PPP2R3C: variants seen among roughly 807,000 people sequenced by gnomAD.
The protein encoded by PPP2R3C is serine/threonine-protein phosphatase 2A regulatory subunit B'' subunit gamma.
In PPP2R3C, 47 loss-of-function variants were observed where a neutral mutation model predicts 63.7. That is an observed-to-expected ratio of 0.74 (90% CI 0.58 to 0.94). PPP2R3C has a LOEUF of 0.94. PPP2R3C is among the 40% of genes least tolerant of loss of function. The pLI is 0.00. For missense variants in PPP2R3C, 421 were observed against 518.4 expected (o/e 0.81, Z 1.82); for synonymous variants, 180 against 177.4 (o/e 1.01, Z -0.12).
rs537585356 is a variant in PPP2R3C, at chr14:35,120,274, C to T, written c.58+1628G>A. Among the ~76,000 whole-genome samples the T allele has an allele frequency of 1.3e-4, 19 of 151,354 alleles. No individual in the cohort carries two copies. In the South Asian group the frequency reaches 2.7e-3, roughly 22 times the overall value. ...CTCCTTTTTTTTTGAGACTGAGTGT[C>T]GCTCGGTCGCCCAGGCCGGAGTGCA... is the stretch of plus-strand genomic sequence containing the variant. On this transcript the variant is annotated intron_variant, in intron 1 of 12. Coordinates refer to ENST00000261475, the MANE Select transcript of PPP2R3C (RefSeq NM_017917.4).
chr14:35,111,840 T>C (rs908452581), intron 2 of PPP2R3C, among the ~76,000 whole-genome samples: 1 of 152,116 alleles, frequency 6.6e-6, no homozygotes, highest in African/African-American at 2.4e-5. Context: ...GCAGTACCCA[T>C]TCCCTAGCCC....
intron 11 of PPP2R3C, among the ~76,000 whole-genome samples, chr14:35,090,250 T>C (rs1181352908): frequency 6.7e-6 from 1 of 149,278 alleles, no homozygotes; most frequent in Non-Finnish European, 1.5e-5. Context: ...TTTTTTTTTT[T>C]TTTTTTTTTG....
At chr14:35,118,460 CT>C (rs2046769220) in intron 1 of PPP2R3C, among the ~76,000 whole-genome samples, 1 of 152,106 alleles carries the variant, frequency 6.6e-6, no homozygotes. Flanking sequence ...ATATAATTTA[CT>C]TATTATTTTA....
intron 9 of PPP2R3C, among the ~76,000 whole-genome samples, chr14:35,095,698 AC>A (rs1431885573): frequency 1.3e-5 from 2 of 151,358 alleles, no homozygotes; most frequent in African/African-American, 2.4e-5. Flanking sequence ...AAAAAAAAAA[AC>A]ATTAGCCGGG....
intron 1 of PPP2R3C, among the ~76,000 whole-genome samples, chr14:35,118,671 T>TTC (rs1566429903): frequency 5.9e-5 from 3 of 51,254 alleles, no homozygotes; most frequent in African/African-American, 1.8e-4. Context: ...TTTTTTTTTT[T>TTC]CCGAGACTGA....
At chr14:35,105,130 C>A (rs988529561) in intron 6 of PPP2R3C, among the ~76,000 whole-genome samples, 6 of 150,986 alleles carry the variant, frequency 4.0e-5, no homozygotes, top group Non-Finnish European at 8.8e-5. Context: ...AATAATCAAA[C>A]GTTTTTCAGT....
chr14:35,109,291 G>A (rs904898733), intron 4 of PPP2R3C, among the ~76,000 whole-genome samples: 2 of 152,052 alleles, frequency 1.3e-5, no homozygotes, highest in Admixed American at 1.3e-4. Context: ...TCTTGACCTC[G>A]TGATCCGCTC....
chr14:35,107,482 A>T, intron 5 of PPP2R3C, 108 bp from the exon 6 acceptor site: 2 of 853,570 alleles, frequency 2.3e-6, no homozygotes, highest in Non-Finnish European at 3.8e-6. Context: ...AACTCTAAAA[A>T]CATTTCTTCT....
chr14:35,120,847 G>A (rs1265698157), intron 1 of PPP2R3C, among the ~76,000 whole-genome samples: 1 of 152,116 alleles, frequency 6.6e-6, no homozygotes, highest in Admixed American at 6.6e-5. Context: ...TCAAGAGGCT[G>A]GGGTGGGAAG....
intron 10 of PPP2R3C, among the ~76,000 whole-genome samples, chr14:35,094,542 C>CAA (rs57490113): frequency 0.18 from 27,170 of 150,420 alleles, 2,591 homozygotes; most frequent in Middle Eastern, 0.27. Context: ...ATGAAATGAA[C>CAA]AATAAGCTTT....
chr14:35,108,935 T>A (rs546021325), intron 4 of PPP2R3C, among the ~76,000 whole-genome samples: 17 of 152,256 alleles, frequency 1.1e-4, no homozygotes, highest in Non-Finnish European at 2.4e-4. Flanking sequence ...TGCATTCTTT[T>A]TTTTTTTAAT....
intron 5 of PPP2R3C, 49 bp from the exon 6 acceptor site, chr14:35,107,423 G>T (rs1238501800): frequency 2.1e-6 from 3 of 1,455,638 alleles, no homozygotes; most frequent in Non-Finnish European, 2.9e-6. Context: ...CTATCCTTCA[G>T]ATATGAAAAA....
In PPP2R3C at chr14:35,093,681, C is replaced by T. The variant is rs530983501; in HGVS notation, c.975+1367G>A. Among the ~76,000 whole-genome samples, 9 of 151,936 alleles carry T rather than the reference C, an allele frequency of 5.9e-5. No individual in the cohort carries two copies. In the South Asian group the frequency reaches 1.5e-3, roughly 25 times the overall value. On this transcript the variant is annotated intron_variant, in intron 10 of 12. Transcript: ENST00000261475. ...TTTTTTTTTGAGATGGAGTCTCGCT[C>T]AGTTGCCCAGGCTGGAGTGCAGTGG...
intron 2 of PPP2R3C, among the ~76,000 whole-genome samples, chr14:35,112,226 G>A (rs8020370): frequency 0.17 from 25,781 of 152,104 alleles, 2,441 homozygotes; most frequent in East Asian, 0.31. Flanking sequence ...GCTTTAGAAT[G>A]ATTCATTCCA....
At chr14:35,107,533 G>A in intron 5 of PPP2R3C, 159 bp from the exon 6 acceptor site, 1 of 603,276 alleles carries the variant, frequency 1.7e-6, no homozygotes, top group Non-Finnish European at 3.0e-6. Context: ...TAGAATGGAA[G>A]AGTTCAACAA....
chr14:35,121,698 T>C (rs2046901769), intron 1 of PPP2R3C: 4 of 567,078 alleles, frequency 7.1e-6, no homozygotes. Flanking sequence ...AAGCTAAGTT[T>C]TTCGTTCCTC....
At chr14:35,113,622 C>G (rs890316347) in intron 2 of PPP2R3C, among the ~76,000 whole-genome samples, 2 of 152,126 alleles carry the variant, frequency 1.3e-5, no homozygotes, top group Admixed American at 6.6e-5. Flanking sequence ...AAAACCCACA[C>G]CACTACCTCA....
intron 2 of PPP2R3C, among the ~76,000 whole-genome samples, chr14:35,112,460 T>C (rs1179136608): frequency 1.3e-5 from 2 of 152,214 alleles, no homozygotes; most frequent in African/African-American, 4.8e-5. Flanking sequence ...CCCATTAAAT[T>C]ACCTCGGTAA....
chr14:35,099,723 A>G (rs2046122142), intron 6 of PPP2R3C: 2 of 191,076 alleles, frequency 1.0e-5, no homozygotes, highest in African/African-American at 4.8e-5. Context: ...GAACCAATAC[A>G]TATATATTTC....
Sources: allele counts gnomAD v4.1 joint callset (sites outside exome capture counted in the v4.1 genomes callset), GRCh38; gene constraint gnomAD v4.1.1; transcripts MANE v1.5; gene names NCBI Gene and HGNC (gene_info 2026-07-23, HGNC 2026-07-21).